The following MEGF10 variants were observed in gnomAD, a reference collection of about 807,000 sequenced individuals.
The protein encoded by MEGF10 is multiple epidermal growth factor-like domains protein 10.
Under a neutral mutation model 147.5 loss-of-function variants are expected in MEGF10, and 86 were observed. That is an observed-to-expected ratio of 0.58 (90% CI 0.49 to 0.70). The LOEUF is 0.70. MEGF10 is among the 30% of genes least tolerant of loss of function. MEGF10 has a pLI of 0.00. For missense variants in MEGF10, 1,329 were observed against 1,487.3 expected, an observed-to-expected ratio of 0.89 and a Z score of 1.75; for synonymous variants, 478 against 525.5, an observed-to-expected ratio of 0.91 and a Z score of 1.24.
chr5:127,386,896 A>G (rs1763455889), intron 5 of MEGF10, among the ~76,000 whole-genome samples: 1 of 152,218 alleles, frequency 6.6e-6, no homozygotes. Context: ...CATATAACAA[A>G]AAGTACTTTT....
intron 3 of MEGF10, 125 bp from the exon 4 acceptor site, chr5:127,340,405 G>A (rs1328686965): frequency 3.3e-6 from 2 of 607,148 alleles, no homozygotes; most frequent in Non-Finnish European, 5.6e-6. Context: ...TATCTTCTTA[G>A]CAAATTGATG....
the MEGF10 span, among the ~76,000 whole-genome samples, chr5:127,242,034 A>C: frequency 1.3e-5 from 2 of 152,180 alleles, no homozygotes; most frequent in Admixed American, 1.3e-4. Context: ...ACATGACCCC[A>C]AAAGGTTACG....
In MEGF10 at chr5:127,298,719, T is replaced by TA. The variant is rs575054337; in HGVS notation, c.-19+7664dup. On this transcript the variant is annotated intron_variant, in intron 1 of 24. Coordinates refer to ENST00000503335, the MANE Select transcript of MEGF10 (RefSeq NM_001256545.2). Reference sequence around the variant, plus strand: ...CTTGGCCAGAGGGGGTCACAGAGAATAGCTGGTCTGTGAGAACCCATGCCT... The same window carrying TA: ...CTTGGCCAGAGGGGGTCACAGAGAATAAGCTGGTCTGTGAGAACCCATGCCT... 1.3e-3 allele frequency among the ~76,000 whole-genome samples: 205 copies of TA among 152,254 alleles called. 2 individuals are homozygous for TA. The Middle Eastern group carries it at 0.014, about 10-fold the overall frequency.
chr5:127,310,002 C>CTTCA, intron 1 of MEGF10, among the ~76,000 whole-genome samples: 1 of 14,652 alleles, frequency 6.8e-5, no homozygotes, highest in South Asian at 2.6e-3. Flanking sequence ...TCTTTCCTTC[C>CTTCA]TTCCTTCCTT....
intron 8 of MEGF10, among the ~76,000 whole-genome samples, chr5:127,404,349 T>TAC (rs1764245819): frequency 6.6e-6 from 1 of 151,932 alleles, no homozygotes; most frequent in Non-Finnish European, 1.5e-5. Context: ...GAGCTCCTTA[T>TAC]ATATGCTGGT....
intron 17 of MEGF10, 71 bp downstream of exon 17, chr5:127,438,638 A>T (rs963710516): frequency 2.6e-6 from 4 of 1,538,132 alleles, no homozygotes; most frequent in Non-Finnish European, 3.5e-6. Context: ...TACCCTCCGC[A>T]TGCGTGACTG....
intron 1 of MEGF10, among the ~76,000 whole-genome samples, chr5:127,309,960 T>C: frequency 1.6e-5 from 1 of 60,800 alleles, no homozygotes. Context: ...TTTCTTTCTT[T>C]CTTTCTTTCT....
At chr5:127,269,055 C>G in the MEGF10 span, among the ~76,000 whole-genome samples, 1 of 152,216 alleles carries the variant, frequency 6.6e-6, no homozygotes, top group Non-Finnish European at 1.5e-5. Flanking sequence ...AACTAACAAA[C>G]AGAAAGGACA....
intron 7 of MEGF10, among the ~76,000 whole-genome samples, chr5:127,400,901 A>G (rs1156634056): frequency 6.6e-6 from 1 of 152,170 alleles, no homozygotes; most frequent in East Asian, 1.9e-4. Flanking sequence ...TTCAATTTAT[A>G]CTTCTTCTTT....
At chr5:127,264,217 C>T in the MEGF10 span, among the ~76,000 whole-genome samples, 1 of 152,070 alleles carries the variant, frequency 6.6e-6, no homozygotes, top group Non-Finnish European at 1.5e-5. Context: ...ATATAACTCT[C>T]AAATTCAAAA....
intron 4 of MEGF10, among the ~76,000 whole-genome samples, chr5:127,364,676 A>G (rs567850013): frequency 3.3e-5 from 5 of 152,338 alleles, no homozygotes; most frequent in African/African-American, 1.2e-4. Flanking sequence ...TTTGCATGTA[A>G]TTGTCCTCAG....
At chr5:127,255,601 T>G in the MEGF10 span, among the ~76,000 whole-genome samples, 1 of 152,142 alleles carries the variant, frequency 6.6e-6, no homozygotes, top group Non-Finnish European at 1.5e-5. Flanking sequence ...CCATAAACTT[T>G]GCAAAGGTGG....
At chr5:127,387,073 T>G (rs951757466) in intron 5 of MEGF10, among the ~76,000 whole-genome samples, 3 of 152,348 alleles carry the variant, frequency 2.0e-5, no homozygotes, top group Non-Finnish European at 2.9e-5. Context: ...TGAGGAATTT[T>G]GTAACAAGGT....
chr5:127,241,280 G>C, the MEGF10 span, among the ~76,000 whole-genome samples: 1 of 152,188 alleles, frequency 6.6e-6, no homozygotes, highest in African/African-American at 2.4e-5. Context: ...CAAAGGTGGA[G>C]GTTGGTTTCA....
At chr5:127,238,954 C>T in the MEGF10 span, among the ~76,000 whole-genome samples, 3 of 151,912 alleles carry the variant, frequency 2.0e-5, no homozygotes, top group Admixed American at 1.3e-4. Flanking sequence ...AATGGTACAA[C>T]TGACATCATG....
intron 1 of MEGF10, among the ~76,000 whole-genome samples, chr5:127,308,989 G>A (rs2254762): frequency 0.64 from 97,631 of 151,952 alleles, 31,910 homozygotes; most frequent in Middle Eastern, 0.7. Context: ...CATCTGTAAC[G>A]AGATGTAAAA....
intron 13 of MEGF10, among the ~76,000 whole-genome samples, chr5:127,431,723 T>C (rs1765392124): frequency 6.6e-6 from 1 of 152,228 alleles, no homozygotes; most frequent in African/African-American, 2.4e-5. Flanking sequence ...GACCTGAATT[T>C]GAACTGAGAG....
upstream of MEGF10, among the ~76,000 whole-genome samples, chr5:127,289,497 C>T (rs999564557): frequency 1.3e-5 from 2 of 152,166 alleles, no homozygotes; most frequent in African/African-American, 4.8e-5. Context: ...TGACCTTCCA[C>T]CCAGACTGCT....
chr5:127,265,677 T>A, the MEGF10 span, among the ~76,000 whole-genome samples: 1 of 152,254 alleles, frequency 6.6e-6, no homozygotes, highest in African/African-American at 2.4e-5. Context: ...CCAGTGGTGA[T>A]GAGCATTTTT....
Sources: allele counts gnomAD v4.1 joint callset (sites outside exome capture counted in the v4.1 genomes callset), GRCh38; gene constraint gnomAD v4.1.1; transcripts MANE v1.5; gene names NCBI Gene and HGNC (gene_info 2026-07-23, HGNC 2026-07-21).